Variants in MYLK observed in about 807,000 individuals in gnomAD.
MYLK encodes the protein myosin light chain kinase.
Under a neutral mutation model 203.4 loss-of-function variants are expected in MYLK, and 106 were observed. The ratio of observed to expected loss-of-function variants is 0.52; its 90% CI spans 0.45 to 0.61. The LOEUF (loss-of-function observed/expected upper bound fraction) is 0.61, where lower values mean the gene tolerates loss of function less well. Ranked by LOEUF, MYLK falls within the 20% of genes least tolerant of loss-of-function variation. The pLI is 0.00. For missense variants in MYLK, 2,072 were observed against 2,442.3 expected, an observed-to-expected ratio of 0.85 and a Z score of 3.20; for synonymous variants, 867 against 959.5, an observed-to-expected ratio of 0.90 and a Z score of 1.78.
chr3:123,647,062 GT>G (rs2059045186), intron 27 of MYLK, 161 bp downstream of exon 27: 1 of 700,308 alleles, frequency 1.4e-6, no homozygotes, highest in Non-Finnish European at 2.5e-6. Flanking sequence ...CTTCGGTTCT[GT>G]TTGGTCAGGC....
intron 3 of MYLK, among the ~76,000 whole-genome samples, chr3:123,812,491 G>A (rs2065594944): frequency 6.6e-6 from 1 of 152,176 alleles, no homozygotes. Context: ...CTAAAGCAGA[G>A]CGTTCTCTCT....
chr3:123,698,251 C>T (rs1403913147), intron 18 of MYLK, among the ~76,000 whole-genome samples: 1 of 152,148 alleles, frequency 6.6e-6, no homozygotes, highest in African/African-American at 2.4e-5. Flanking sequence ...CTGATGAGAA[C>T]CTGAAATCCA....
At chr3:123,626,788 C>A (rs771155680) in intron 31 of MYLK, 30 bp downstream of exon 31, 3 of 1,614,040 alleles carry the variant, frequency 1.9e-6, no homozygotes, top group Non-Finnish European at 2.5e-6. Context: ...TGAGGGGCAA[C>A]ATCCCAGTCC....
chr3:123,678,790 A>G (rs1484921504), intron 20 of MYLK, among the ~76,000 whole-genome samples: 1 of 152,128 alleles, frequency 6.6e-6, no homozygotes, highest in Non-Finnish European at 1.5e-5. Context: ...CAAAAATCCA[A>G]TTGATGTACT....
chr3:123,723,902 T>C (rs1027630270), intron 12 of MYLK, among the ~76,000 whole-genome samples: 3 of 138,536 alleles, frequency 2.2e-5, no homozygotes, highest in Non-Finnish European at 4.6e-5. Context: ...TTTTTACATA[T>C]TTTAAATGGC....
At chr3:123,785,012 G>A (rs1421528800) in intron 4 of MYLK, among the ~76,000 whole-genome samples, 1 of 152,172 alleles carries the variant, frequency 6.6e-6, no homozygotes, top group Non-Finnish European at 1.5e-5. Flanking sequence ...CCATATACAT[G>A]TTTAGTAAAT....
chr3:123,641,479 G>A (rs2058830056), intron 27 of MYLK, among the ~76,000 whole-genome samples: 2 of 149,950 alleles, frequency 1.3e-5, no homozygotes, highest in South Asian at 4.2e-4. Context: ...TCAAAGTTAT[G>A]TTGAGCTATG....
At chr3:123,701,401 G>T in intron 17 of MYLK, 37 bp downstream of exon 17, 1 of 1,605,370 alleles carries the variant, frequency 6.2e-7, no homozygotes, top group African/African-American at 1.3e-5. Context: ...TGGGGATGGG[G>T]GCATGGCCTG....
At chr3:123,672,207 G>GGAGAGAGAGAGAGAGAGAGA (rs3085308) in intron 20 of MYLK, among the ~76,000 whole-genome samples, 2 of 146,444 alleles carry the variant, frequency 1.4e-5, no homozygotes, top group South Asian at 4.5e-4. Context: ...GGCAGGGGGA[G>GGAGAGAGAGAGAGAGAGAGA]GAGAGAGAGA....
At chr3:123,793,553 A>G in intron 4 of MYLK, 124 bp downstream of exon 4, 11 of 1,102,616 alleles carry the variant, frequency 1.0e-5, no homozygotes, top group Non-Finnish European at 1.4e-5. Flanking sequence ...TTCGTTTTAC[A>G]TGAAGGTCCA....
At chr3:123,826,914 A>G (rs9866847) in intron 3 of MYLK, among the ~76,000 whole-genome samples, 1,960 of 152,316 alleles carry the variant, frequency 0.013, 46 homozygotes, top group African/African-American at 0.045. Flanking sequence ...ACACATTCAT[A>G]TAAGTCTTTC....
intron 2 of MYLK, among the ~76,000 whole-genome samples, chr3:123,851,655 G>T (rs2030819520): frequency 6.6e-6 from 1 of 152,152 alleles, no homozygotes; most frequent in Non-Finnish European, 1.5e-5. Flanking sequence ...CTGAGACGAT[G>T]GGGTTTTCTA....
intron 18 of MYLK, among the ~76,000 whole-genome samples, chr3:123,699,475 C>G (rs1407368417): frequency 6.6e-6 from 1 of 152,212 alleles, no homozygotes; most frequent in Non-Finnish European, 1.5e-5. Flanking sequence ...CAGATCCCTT[C>G]AAACCCACAG....
At chr3:123,820,910 G>A (rs1397731376) in intron 3 of MYLK, among the ~76,000 whole-genome samples, 3 of 151,994 alleles carry the variant, frequency 2.0e-5, no homozygotes, top group Non-Finnish European at 4.4e-5. Context: ...TGTATATTTA[G>A]TAGGGACAGG....
At chr3:123,701,399 G>A in intron 17 of MYLK, 39 bp downstream of exon 17, 1 of 1,603,120 alleles carries the variant, frequency 6.2e-7, no homozygotes, top group Non-Finnish European at 8.5e-7. Flanking sequence ...GGTGGGGATG[G>A]GGGCATGGCC....
At chr3:123,874,368 G>A (rs1336855144) in intron 2 of MYLK, among the ~76,000 whole-genome samples, 1 of 152,104 alleles carries the variant, frequency 6.6e-6, no homozygotes, top group Non-Finnish European at 1.5e-5. Context: ...TTCAACAAAG[G>A]TACAAACACA....
intron 2 of MYLK, among the ~76,000 whole-genome samples, chr3:123,850,969 C>A (rs766114986): frequency 1.3e-5 from 2 of 152,206 alleles, no homozygotes; most frequent in Non-Finnish European, 2.9e-5. Flanking sequence ...ATACGGCTAG[C>A]CAGTTTTCCC....
chr3:123,739,373 G>C (rs2108817673), intron 6 of MYLK, among the ~76,000 whole-genome samples: 1 of 152,376 alleles, frequency 6.6e-6, no homozygotes, highest in Admixed American at 6.5e-5. Context: ...CAGAAGAGCT[G>C]TATGCCACTT....
chr3:123,755,221 C>T (rs1322358263), intron 4 of MYLK, among the ~76,000 whole-genome samples: 4 of 152,162 alleles, frequency 2.6e-5, no homozygotes, highest in Admixed American at 6.5e-5. Flanking sequence ...GCGCCAAAGG[C>T]GTCCTGGCAT....
Sources: allele counts gnomAD v4.1 joint callset (sites outside exome capture counted in the v4.1 genomes callset), GRCh38; gene constraint gnomAD v4.1.1; transcripts MANE v1.5; gene names NCBI Gene and HGNC (gene_info 2026-07-23, HGNC 2026-07-21).